Variants in KCNQ1 observed in about 807,000 individuals in gnomAD.
The protein encoded by KCNQ1 is potassium voltage-gated channel subfamily Q member 1, also known as potassium voltage-gated channel subfamily KQT member 1.
KCNQ1 carries 49 observed loss-of-function variants against 72.4 expected under a neutral mutation model. The observed-to-expected ratio is 0.68, with a 90% CI of 0.54 to 0.86. The LOEUF (loss-of-function observed/expected upper bound fraction) is 0.86, where lower values mean the gene tolerates loss of function less well. Among genes scored for constraint, KCNQ1 ranks in the 40% least tolerant of loss-of-function variants. KCNQ1 has a pLI of 0.00. For synonymous variants in KCNQ1, 450 were observed against 412.6 expected (o/e 1.09, Z -1.10); for missense variants, 790 against 945.1 (o/e 0.84, Z 2.15).
At chr11:2,740,969 C>T (rs1039391342) in intron 11 of KCNQ1, among the ~76,000 whole-genome samples, 2 of 152,222 alleles carry the variant, frequency 1.3e-5, no homozygotes, top group Admixed American at 6.5e-5. Flanking sequence ...CTTGATTCCC[C>T]TTCAAAGGAA....
intron 1 of KCNQ1, chr11:2,461,785 T>C: frequency 7.8e-7 from 1 of 1,283,596 alleles, no homozygotes; most frequent in Non-Finnish European, 1.0e-6. Flanking sequence ...TGAATTGTGG[T>C]CAGTTATGGG....
chr11:2,569,569 C>T (rs568931036), intron 2 of KCNQ1, among the ~76,000 whole-genome samples: 183 of 152,308 alleles, frequency 1.2e-3, no homozygotes, highest in African/African-American at 4.0e-3. Context: ...CCTGAGACGC[C>T]GTATGCCTGT....
intron 10 of KCNQ1, chr11:2,632,107 C>T (rs1477820987): frequency 7.8e-5 from 30 of 383,894 alleles, no homozygotes; most frequent in African/African-American, 1.1e-4. Context: ...GGCGTGAACT[C>T]GGGAGGCAGA....
At chr11:2,456,574 C>T (rs1470646693) in intron 1 of KCNQ1, among the ~76,000 whole-genome samples, 1 of 151,954 alleles carries the variant, frequency 6.6e-6, no homozygotes, top group Admixed American at 6.6e-5. Flanking sequence ...GCCTAATATT[C>T]AAAGTCTACA....
intron 11 of KCNQ1, among the ~76,000 whole-genome samples, chr11:2,751,345 A>G (rs1846222134): frequency 6.6e-6 from 1 of 152,226 alleles, no homozygotes; most frequent in African/African-American, 2.4e-5. Flanking sequence ...CTCTCAGCAG[A>G]AACGGACGCC....
chr11:2,458,443 A>G lies in KCNQ1; in HGVS notation c.386+12959A>G, dbSNP rs924673371. Among the ~76,000 whole-genome samples, 3 of 152,214 alleles carry G rather than the reference A, an allele frequency of 2.0e-5. No individual in the cohort carries two copies. Among genetic ancestry groups the G allele is most frequent in the African/African-American group, 7.2e-5 (3 of 41,452 alleles). On this transcript the variant is annotated intron_variant, in intron 1 of 15. Coordinates refer to ENST00000155840, the MANE Select transcript of KCNQ1 (RefSeq NM_000218.3). This position sits in a 1 kb window ranked among gnomAD's most constrained non-coding sequence, Gnocchi z 4.6. ...GTAACTCGGGGAAACCCAGTAGCTG[A>G]TGGGGTTGCGTCCTTCTTTGGGACT...
chr11:2,789,932 C>T (rs1452927486), intron 15 of KCNQ1, among the ~76,000 whole-genome samples: 2 of 152,194 alleles, frequency 1.3e-5, no homozygotes, highest in Non-Finnish European at 2.9e-5. Flanking sequence ...GAGGTCCTCC[C>T]CACTCAGAGG....
chr11:2,501,477 G>C (rs180896613), intron 1 of KCNQ1, among the ~76,000 whole-genome samples: 299 of 152,048 alleles, frequency 2.0e-3, no homozygotes, highest in African/African-American at 7.1e-3. Flanking sequence ...GATTGAACCA[G>C]GAAGAAATGC....
In KCNQ1 at chr11:2,715,038, G is replaced by A. The variant is rs1396530396; in HGVS notation, c.1514+52957G>A. Among the ~76,000 whole-genome samples, 1 of 152,132 alleles carries A rather than the reference G, an allele frequency of 6.6e-6. No individual in the cohort carries two copies. Among genetic ancestry groups the A allele is most frequent in the Non-Finnish European group, 1.5e-5 (1 of 68,014 alleles). ...GGTGCAGCTGGGCAGATTGCCGGTG[G>A]TTGGTGCTGGTGAGGAGTAGCAGGG... On this transcript the variant is annotated intron_variant, in intron 11 of 15. Transcript: ENST00000155840. The surrounding 1 kb of genome is among the most constrained non-coding windows in gnomAD (Gnocchi z 4.9).
At chr11:2,716,767 A>G (rs898275142) in intron 11 of KCNQ1, among the ~76,000 whole-genome samples, 6 of 152,192 alleles carry the variant, frequency 3.9e-5, no homozygotes, top group Admixed American at 1.3e-4. Flanking sequence ...GGTGGCCCGC[A>G]TTGAACAGGC....
chr11:2,522,631 T>C (rs1012723194), intron 1 of KCNQ1, among the ~76,000 whole-genome samples: 1 of 152,284 alleles, frequency 6.6e-6, no homozygotes, highest in Non-Finnish European at 1.5e-5. Flanking sequence ...TAATTCCTTC[T>C]GAGGCTAGCA....
intron 11 of KCNQ1, chr11:2,692,964 C>G (rs1160352605): frequency 5.0e-6 from 2 of 398,524 alleles, no homozygotes; most frequent in Non-Finnish European, 8.8e-6. Context: ...AATAATGAGG[C>G]CCACTGAACT....
At chr11:2,777,694 G>A (rs1846734862) in intron 14 of KCNQ1, 1 of 601,768 alleles carries the variant, frequency 1.7e-6, no homozygotes, top group African/African-American at 1.9e-5. Context: ...TTGCACAGCT[G>A]GCAGTGTGGC....
At position 2,750,867 on chromosome 11, in the gene KCNQ1, C is replaced by T. The variant is rs1436371276; in HGVS notation, c.1515-17977C>T. Among the ~76,000 whole-genome samples the T allele has an allele frequency of 6.6e-6, 1 of 152,148 alleles. No individual in the cohort carries two copies. The highest frequency in any genetic ancestry group is 1.9e-4 in the East Asian group (1 of 5,190). ...TAACTTAATGAGGGCTGACAGCCTGCGACAAACGTCCTCATAATCTCCCCA... is the reference window on the plus strand; with the variant it reads ...TAACTTAATGAGGGCTGACAGCCTGTGACAAACGTCCTCATAATCTCCCCA... On this transcript the variant is annotated intron_variant, in intron 11 of 15. Coordinates refer to ENST00000155840, the MANE Select transcript of KCNQ1 (RefSeq NM_000218.3). The surrounding 1 kb of genome is among the most constrained non-coding windows in gnomAD (Gnocchi z 6.3).
At chr11:2,694,690 T>C (rs1590037434) in intron 11 of KCNQ1, 1 of 398,566 alleles carries the variant, frequency 2.5e-6, no homozygotes, top group Non-Finnish European at 4.4e-6. Context: ...ACAGATATGC[T>C]CTCTTGGGGC....
rs991764928 is a variant in KCNQ1 at position 2,826,554 on chromosome 11, C to A, written c.1795-21213C>A. On this transcript the variant is annotated intron_variant, in intron 15 of 15. Coordinates refer to ENST00000155840, the MANE Select transcript of KCNQ1 (RefSeq NM_000218.3). The surrounding 1 kb of genome is among the most constrained non-coding windows in gnomAD (Gnocchi z 4.2). ...CCTCCTGCTGCTGCTTCCCCGAAGG[C>A]CTCCCCAGCAGACCTGCAGCTGGGC... Among the ~76,000 whole-genome samples the A allele has an allele frequency of 1.8e-4, 27 of 152,252 alleles. No homozygotes were observed. The highest frequency in any genetic ancestry group is 1.6e-3 in the Admixed American group (24 of 15,284).
In KCNQ1 at chr11:2,608,599, T is replaced by C. The variant is rs2133787355; in HGVS notation, c.1393+19745T>C. On this transcript the variant is annotated intron_variant, in intron 10 of 15. Coordinates refer to ENST00000155840, the MANE Select transcript of KCNQ1 (RefSeq NM_000218.3). The surrounding 1 kb of genome is among the most constrained non-coding windows in gnomAD (Gnocchi z 4.6). ...CAAGTGATCCTTGCCCCTTAGCCTATGACAGGTGTGCACCACAACACCAGC... is the reference window on the plus strand; with the variant it reads ...CAAGTGATCCTTGCCCCTTAGCCTACGACAGGTGTGCACCACAACACCAGC... 2 of 398,532 alleles carry C rather than the reference T, an allele frequency of 5.0e-6. No individual in the cohort carries two copies. Among genetic ancestry groups the C allele is most frequent in the South Asian group, 2.5e-4 (2 of 7,852 alleles). 24.7% of individuals were successfully genotyped at this position (398,532 alleles called of 1,614,324 possible).
rs114285745 is a variant in KCNQ1 at position 2,491,140 on chromosome 11, G to A, written c.387-36788G>A. On this transcript the variant is annotated intron_variant, in intron 1 of 15. Transcript: ENST00000155840. The surrounding 1 kb of genome is among the most constrained non-coding windows in gnomAD (Gnocchi z 4.1). ...TGGAAAGCTTTACCAAGAAAGATGG[G>A]TACAAACAAGCCCAGACTGCAAAGG... Among the ~76,000 whole-genome samples, 344 of 152,238 alleles carry A rather than the reference G, an allele frequency of 2.3e-3. 1 individual carries two copies. Among genetic ancestry groups the A allele is most frequent in the African/African-American group, 7.9e-3 (329 of 41,536 alleles).
intron 11 of KCNQ1, among the ~76,000 whole-genome samples, chr11:2,700,402 C>T (rs1262250670): frequency 2.0e-5 from 3 of 152,126 alleles, no homozygotes; most frequent in Non-Finnish European, 4.4e-5. Flanking sequence ...GTGAGGACAG[C>T]GGCCGCACCC....
Sources: gnomAD v4.1 joint callset for allele counts (sites outside exome capture counted in the v4.1 genomes callset) on GRCh38, gnomAD v4.1.1 for gene constraint, Gnocchi (gnomAD v3.1) non-coding constraint, MANE v1.5 for transcripts, NCBI Gene and HGNC (gene_info 2026-07-23, HGNC 2026-07-21) for gene names.